The following NRBF2 variants were observed in gnomAD, a reference collection of about 807,000 sequenced individuals.
NRBF2 encodes nuclear receptor-binding factor 2.
In NRBF2, 12 loss-of-function variants were observed where a neutral mutation model predicts 28.5. The observed-to-expected ratio is 0.42, with a 90% CI of 0.27 to 0.68. The LOEUF (loss-of-function observed/expected upper bound fraction) is 0.68, where lower values mean the gene tolerates loss of function less well. Among genes scored for constraint, NRBF2 ranks in the 30% least tolerant of loss-of-function variants. The pLI, the probability that NRBF2 is intolerant of heterozygous loss-of-function variation, is 0.24. For synonymous variants in NRBF2, 102 were observed against 116.5 expected (o/e 0.88, Z 0.80); for missense variants, 274 against 333.5 (o/e 0.82, Z 1.39).
chr10:63,137,521 G>A (rs1841394254), intron 1 of NRBF2, among the ~76,000 whole-genome samples: 1 of 152,116 alleles, frequency 6.6e-6, no homozygotes, highest in Admixed American at 6.6e-5. Flanking sequence ...TGACTGCCTG[G>A]CCACAATCGT....
intron 1 of NRBF2, among the ~76,000 whole-genome samples, chr10:63,138,381 A>C (rs923831038): frequency 5.9e-5 from 9 of 151,678 alleles, no homozygotes; most frequent in African/African-American, 1.9e-4. Flanking sequence ...CTACTTGGGA[A>C]GCTGAGACAG....
chr10:63,139,857 C>A (rs979132022), intron 1 of NRBF2, among the ~76,000 whole-genome samples: 1 of 152,004 alleles, frequency 6.6e-6, no homozygotes, highest in African/African-American at 2.4e-5. Flanking sequence ...CAATGTGGGC[C>A]TGGTATGGTA....
intron 1 of NRBF2, among the ~76,000 whole-genome samples, chr10:63,144,618 G>A (rs567672150): frequency 3.9e-5 from 6 of 151,998 alleles, no homozygotes; most frequent in East Asian, 1.9e-4. Flanking sequence ...GGGTTTCACC[G>A]TGTTAGCCAA....
intron 2 of NRBF2, among the ~76,000 whole-genome samples, chr10:63,147,086 A>C (rs936056057): frequency 1.3e-5 from 2 of 152,184 alleles, no homozygotes; most frequent in African/African-American, 4.8e-5. Flanking sequence ...CCTCATCCAA[A>C]ATGAGTGCAA....
intron 1 of NRBF2, among the ~76,000 whole-genome samples, chr10:63,145,736 T>A (rs185239746): frequency 1.3e-5 from 2 of 152,320 alleles, no homozygotes; most frequent in Admixed American, 1.3e-4. Context: ...AACTTTAATG[T>A]TGAAAGAATG....
At chr10:63,149,440 T>C (rs1219480757) in intron 2 of NRBF2, among the ~76,000 whole-genome samples, 2 of 152,240 alleles carry the variant, frequency 1.3e-5, no homozygotes, top group African/African-American at 4.8e-5. Context: ...TAATATCTAC[T>C]TTAAATTTTA....
At position 63,152,134 on chromosome 10, in the gene NRBF2, T is replaced by C. The variant is rs764048200; in HGVS notation, c.116-16T>C. The C allele has an allele frequency of 1.2e-6, 2 of 1,606,766 alleles. No individual in the cohort carries two copies. Among genetic ancestry groups the C allele is most frequent in the South Asian group, 2.2e-5 (2 of 90,768 alleles). ...ATGAAGACACATATTAACATGCCTA[T>C]TTTTTCTCTTAACAGCATATCTTTC... On this transcript the variant is annotated splice_polypyrimidine_tract_variant and intron_variant, in intron 2 of 3. Coordinates refer to ENST00000277746, the MANE Select transcript of NRBF2 (RefSeq NM_030759.5).
At chr10:63,144,519 A>G (rs1288161584) in intron 1 of NRBF2, among the ~76,000 whole-genome samples, 1 of 149,286 alleles carries the variant, frequency 6.7e-6, no homozygotes, top group African/African-American at 2.5e-5. Flanking sequence ...GGTTCACGCT[A>G]TTCTCCTGCC....
At chr10:63,136,295 C>A (rs1273924879) in intron 1 of NRBF2, among the ~76,000 whole-genome samples, 1 of 152,098 alleles carries the variant, frequency 6.6e-6, no homozygotes, top group East Asian at 1.9e-4. Flanking sequence ...CCCTGCCCGG[C>A]TATGAAAATT....
At chr10:63,142,391 C>T (rs1841487217) in intron 1 of NRBF2, among the ~76,000 whole-genome samples, 2 of 151,004 alleles carry the variant, frequency 1.3e-5, no homozygotes, top group African/African-American at 2.4e-5. Context: ...GCAACCTCTG[C>T]CGCCCTGGTC....
At chr10:63,145,326 G>A (rs1366116840) in intron 1 of NRBF2, among the ~76,000 whole-genome samples, 4 of 151,746 alleles carry the variant, frequency 2.6e-5, no homozygotes, top group Non-Finnish European at 4.4e-5. Flanking sequence ...TGCCCGCCTC[G>A]GCCTCCCAAA....
chr10:63,137,015 T>G (rs1352249710), intron 1 of NRBF2, among the ~76,000 whole-genome samples: 20 of 152,254 alleles, frequency 1.3e-4, no homozygotes, highest in Admixed American at 1.3e-3. Context: ...TTCATTAGGG[T>G]TTTTTGGTCA....
intron 3 of NRBF2, 83 bp downstream of exon 3, chr10:63,152,273 G>T (rs2132696791): frequency 2.0e-6 from 2 of 1,017,524 alleles, no homozygotes; most frequent in Non-Finnish European, 3.0e-6. Flanking sequence ...GCAAAGCATT[G>T]TGTCCCTCTC....
chr10:63,144,750 A>G (rs956511329), intron 1 of NRBF2, among the ~76,000 whole-genome samples: 3 of 151,976 alleles, frequency 2.0e-5, no homozygotes, highest in African/African-American at 7.2e-5. Context: ...GTACCTTTCC[A>G]TTGTGTGTGT....
chr10:63,146,799 A>G (rs532424886), intron 2 of NRBF2, among the ~76,000 whole-genome samples: 2 of 152,162 alleles, frequency 1.3e-5, no homozygotes, highest in South Asian at 4.2e-4. Flanking sequence ...TCTCATCTCT[A>G]CATGCATGCC....
Position 63,147,292 on chromosome 10 carries a change from G to T in NRBF2, c.115+999G>T, listed in dbSNP as rs868831550. Among the ~76,000 whole-genome samples the T allele has an allele frequency of 2.6e-5, 4 of 151,952 alleles. No homozygotes were observed. The South Asian group carries it at 8.3e-4, about 32-fold the overall frequency. Reference sequence around the variant, plus strand: ...TTCTTACTACAGTGGTTTTTGCCTGGAAGTTGGTAATTTTCAGAGAAAATT... The same window carrying T: ...TTCTTACTACAGTGGTTTTTGCCTGTAAGTTGGTAATTTTCAGAGAAAATT... On this transcript the variant is annotated intron_variant, in intron 2 of 3. Transcript: ENST00000277746.
In NRBF2 at chr10:63,154,116, G is replaced by A. The variant is rs1378253581; in HGVS notation, c.762G>A (p.Lys254=). Residue 254 remains lysine (K), a synonymous_variant, in exon 4 of 4, where the codon AAG becomes AAA. Coordinates refer to ENST00000277746, the MANE Select transcript of NRBF2 (RefSeq NM_030759.5). ...TCGCAGCAAATACTGGGAAAGCCAA[G>A]GACATTCCAATCCCCAATCTTCCTC... ...QKFAANTGKA[K]DIPIPNLPPL... is the part of the protein sequence containing the mutation. The A allele has an allele frequency of 6.2e-7, 1 of 1,613,708 alleles. No individual in the cohort carries two copies. The highest frequency in any genetic ancestry group is 2.2e-5 in the East Asian group (1 of 44,892).
intron 1 of NRBF2, among the ~76,000 whole-genome samples, chr10:63,140,494 C>T (rs777880137): frequency 3.3e-5 from 5 of 152,106 alleles, no homozygotes; most frequent in African/African-American, 4.8e-5. Flanking sequence ...CACGGCTCAC[C>T]GTAGCCTCAA....
In NRBF2 at chr10:63,138,113, G is replaced by A. The variant is rs773421350; in HGVS notation, c.30+4613G>A. On this transcript the variant is annotated intron_variant, in intron 1 of 3. Transcript: ENST00000277746. ...GGGAGACTGAGGTGGGTAGGTCACCGAGACCAGCCTGGCCAACAAGATGAA... is the reference window on the plus strand; with the variant it reads ...GGGAGACTGAGGTGGGTAGGTCACCAAGACCAGCCTGGCCAACAAGATGAA... 5.9e-5 allele frequency among the ~76,000 whole-genome samples: 9 copies of A among 152,012 alleles called. 1 individual carries two copies. The South Asian group carries it at 1.0e-3, about 18-fold the overall frequency.
Sources: allele counts gnomAD v4.1 joint callset (sites outside exome capture counted in the v4.1 genomes callset), GRCh38; gene constraint gnomAD v4.1.1; transcripts MANE v1.5; gene names NCBI Gene and HGNC (gene_info 2026-07-23, HGNC 2026-07-21).